The following SLC27A2 variants were observed in gnomAD, a reference collection of about 807,000 sequenced individuals.
The protein encoded by SLC27A2 is solute carrier family 27 member 2.
In SLC27A2, 54 loss-of-function variants were observed where a neutral mutation model predicts 60.0. The observed-to-expected ratio is 0.90, with a 90% confidence interval of 0.72 to 1.13. SLC27A2 has a LOEUF of 1.13. Ranked by LOEUF, SLC27A2 falls within the 50% of genes most tolerant of loss-of-function variation. The probability of loss-of-function intolerance (pLI) is 0.00; values close to 1 mark genes in which losing one functional copy is unlikely to be tolerated. For missense variants in SLC27A2, 739 were observed against 777.6 expected, an observed-to-expected ratio of 0.95 and a Z score of 0.59; for synonymous variants, 297 against 297.6, an observed-to-expected ratio of 1.00 and a Z score of 0.02.
chr15:50,210,801 G>A (rs1302931774), intron 4 of SLC27A2, among the ~76,000 whole-genome samples: 4 of 152,210 alleles, frequency 2.6e-5, no homozygotes, highest in Non-Finnish European at 5.9e-5. Context: ...GAGGGGGCAC[G>A]GTGGGAGTGA....
chr15:50,228,625 G>T lies in SLC27A2; in HGVS notation c.1458-320G>T, dbSNP rs2045293576. Among the ~76,000 whole-genome samples the T allele has an allele frequency of 2.0e-5, 3 of 152,084 alleles. No homozygotes were observed. The South Asian group carries it at 6.2e-4, about 32-fold the overall frequency. On this transcript the variant is annotated intron_variant, in intron 7 of 9. Transcript: ENST00000267842. Reference sequence around the variant, plus strand: ...GAGAAATTGAGAGACCTAAACAGCAGAAAATCGTTGAGATTTCTTTCTAAT... The same window carrying T: ...GAGAAATTGAGAGACCTAAACAGCATAAAATCGTTGAGATTTCTTTCTAAT...
intron 3 of SLC27A2, among the ~76,000 whole-genome samples, chr15:50,204,575 T>G (rs77431914): frequency 0.097 from 14,697 of 150,992 alleles, 853 homozygotes; most frequent in Non-Finnish European, 0.12. Context: ...CTACTAAAAA[T>G]ACAAAAAATT....
chr15:50,211,811 C>T (rs2045158082), intron 4 of SLC27A2, among the ~76,000 whole-genome samples: 1 of 152,166 alleles, frequency 6.6e-6, no homozygotes, highest in South Asian at 2.1e-4. Flanking sequence ...GTGGCTGAAG[C>T]CTGTAATCCC....
At chr15:50,234,652 G>T (rs1314527672) in intron 9 of SLC27A2, among the ~76,000 whole-genome samples, 1 of 151,816 alleles carries the variant, frequency 6.6e-6, no homozygotes, top group African/African-American at 2.4e-5. Flanking sequence ...TCATCTACGT[G>T]GGAGGCTGAG....
At chr15:50,206,597 CTG>C (rs35928802) in intron 4 of SLC27A2, among the ~76,000 whole-genome samples, 68,808 of 151,828 alleles carry the variant, frequency 0.45, 17,682 homozygotes, top group Non-Finnish European at 0.59. Flanking sequence ...CTGCCCCTCA[CTG>C]TCCAGCTTGT....
intron 2 of SLC27A2, among the ~76,000 whole-genome samples, chr15:50,198,911 C>T (rs1386238692): frequency 6.6e-6 from 1 of 152,040 alleles, no homozygotes; most frequent in Admixed American, 6.6e-5. Context: ...AGTTCCTGGA[C>T]CTGAGTTTAA....
At chr15:50,201,668 A>G (rs929527970) in intron 2 of SLC27A2, among the ~76,000 whole-genome samples, 8 of 151,510 alleles carry the variant, frequency 5.3e-5, no homozygotes, top group East Asian at 2.0e-4. Flanking sequence ...CCATTCTCCT[A>G]CCTCAGCCTC....
chr15:50,184,711 C>A (rs2044905762), intron 1 of SLC27A2, among the ~76,000 whole-genome samples: 1 of 151,858 alleles, frequency 6.6e-6, no homozygotes, highest in Admixed American at 6.6e-5. Context: ...GTGGCGCGTG[C>A]CTGTAATCCC....
chr15:50,232,410 A>G (rs2045321925), intron 8 of SLC27A2, among the ~76,000 whole-genome samples: 1 of 151,850 alleles, frequency 6.6e-6, no homozygotes, highest in South Asian at 2.1e-4. Flanking sequence ...CATAATATTT[A>G]ATTATAATTT....
Position 50,233,949 on chromosome 15 carries a change from T to C in SLC27A2, c.1637T>C (p.Ile546Thr). 2.5e-6 allele frequency: 4 copies of C among 1,612,890 alleles called. No individual in the cohort carries two copies. Among genetic ancestry groups the C allele is most frequent in the Non-Finnish European group, 2.5e-6 (3 of 1,178,856 alleles). The change falls in exon 9 of 10, where the codon ATT becomes ACT. Residue 546 changes from isoleucine (I) to threonine (T), a missense_variant. Ile to Thr is a moderately conservative substitution (Grantham distance 89). Coordinates refer to ENST00000267842, the MANE Select transcript of SLC27A2 (RefSeq NM_003645.4). ...GATGGAAAGAAACTCTTTCAGCACA[T>C]TGCTGATTACCTACCTAGTTATGCA... ...EFDGKKLFQH[I>T]ADYLPSYARP... is the part of the protein sequence containing the mutation.
At chr15:50,230,045 C>T (rs551037612) in intron 8 of SLC27A2, among the ~76,000 whole-genome samples, 11 of 150,834 alleles carry the variant, frequency 7.3e-5, no homozygotes, top group African/African-American at 2.7e-4. Context: ...AGTATACTGG[C>T]CAACATGGTG....
Position 50,205,231 on chromosome 15 carries a change from C to G in SLC27A2, c.848-8C>G. On this transcript the variant is annotated splice_polypyrimidine_tract_variant and splice_region_variant and intron_variant, in intron 3 of 9. Coordinates refer to ENST00000267842, the MANE Select transcript of SLC27A2 (RefSeq NM_003645.4). ...TCTTTCTTGACACTTTCTGTGCTTT[C>G]TCTGTAGGTGCTACTCTTGCCTTGC... The G allele has an allele frequency of 6.3e-7, 1 of 1,599,576 alleles. No individual in the cohort carries two copies. Among genetic ancestry groups the G allele is most frequent in the East Asian group, 2.2e-5 (1 of 44,604 alleles).
intron 4 of SLC27A2, among the ~76,000 whole-genome samples, chr15:50,211,669 A>G (rs1029327093): frequency 6.6e-6 from 1 of 152,228 alleles, no homozygotes. Context: ...GAGGTTAGTT[A>G]TTAAGCTAAT....
At position 50,182,474 on chromosome 15, in the gene SLC27A2, C is replaced by A. The variant is rs1214993026; in HGVS notation, c.47C>A (p.Pro16Gln). 6.2e-7 allele frequency: 1 copy of A among 1,609,720 alleles called. No individual in the cohort carries two copies. The highest frequency in any genetic ancestry group is 1.1e-5 in the South Asian group (1 of 90,210). ...GTCCTGGCGGGACTGCTGTTCCTGC[C>A]GCTCCTGGTGAACCTCTGCTGCCCA... is the stretch of plus-strand genomic sequence containing the variant. Reference protein sequence around the residue: ...YTVLAGLLFLPLLVNLCCPYF... With the variant: ...YTVLAGLLFLQLLVNLCCPYF... The change falls in exon 1 of 10, where the codon CCG becomes CAG. Residue 16 changes from proline (P) to glutamine (Q), a missense_variant. Pro to Gln is a moderately conservative substitution (Grantham distance 76). Coordinates refer to ENST00000267842, the MANE Select transcript of SLC27A2 (RefSeq NM_003645.4).
At position 50,236,078 on chromosome 15, in the gene SLC27A2, TA is replaced by T; in HGVS notation, c.1849del (p.Thr617ProfsTer2). The T allele has an allele frequency of 6.2e-7, 1 of 1,601,126 alleles. No homozygotes were observed. Among genetic ancestry groups the T allele is most frequent in the Non-Finnish European group, 8.5e-7 (1 of 1,171,718 alleles). ...TEDIYNAISA[K>X]TLKL ...AGGACATCTATAATGCCATAAGTGC[TA>T]AAACCCTGAAACTCTGAATATTCCC... is the stretch of plus-strand genomic sequence containing the variant. On this transcript the variant is annotated frameshift_variant, in exon 10 of 10. Coordinates refer to ENST00000267842, the MANE Select transcript of SLC27A2 (RefSeq NM_003645.4). LOFTEE classifies it high-confidence loss of function.
At chr15:50,188,491 C>T (rs1021202850) in intron 1 of SLC27A2, among the ~76,000 whole-genome samples, 6 of 152,050 alleles carry the variant, frequency 3.9e-5, no homozygotes, top group African/African-American at 1.4e-4. Flanking sequence ...AACTTTAGTC[C>T]AGAATCAAGG....
chr15:50,210,814 C>T (rs1227977604), intron 4 of SLC27A2, among the ~76,000 whole-genome samples: 1 of 152,166 alleles, frequency 6.6e-6, no homozygotes, highest in Non-Finnish European at 1.5e-5. Flanking sequence ...GGGAGTGAGA[C>T]CAGCCCTTCA....
At position 50,215,316 on chromosome 15, in the gene SLC27A2, TAAAC is replaced by T. The variant is rs1185335758; in HGVS notation, c.973-7641_973-7638del. On this transcript the variant is annotated intron_variant, in intron 4 of 9. Transcript: ENST00000267842. ...AATGCTGCTGAAAGTAATCATAAAC[TAAAC>T]AAACAAATGGAAACATATCCCATGC... Among the ~76,000 whole-genome samples, 6 of 152,040 alleles carry T rather than the reference TAAAC, an allele frequency of 3.9e-5. No individual in the cohort carries two copies. In the East Asian group the frequency reaches 1.2e-3, roughly 29 times the overall value.
chr15:50,213,768 A>G (rs556517708), intron 4 of SLC27A2, among the ~76,000 whole-genome samples: 3 of 152,286 alleles, frequency 2.0e-5, no homozygotes, highest in South Asian at 2.1e-4. Context: ...CTGAACGACA[A>G]TAATGACACA....
Sources: allele counts gnomAD v4.1 joint callset (sites outside exome capture counted in the v4.1 genomes callset), GRCh38; gene constraint gnomAD v4.1.1; transcripts MANE v1.5; gene names NCBI Gene and HGNC (gene_info 2026-07-23, HGNC 2026-07-21).